LRRC53: variants seen among roughly 807,000 people sequenced by gnomAD.
The protein encoded by LRRC53 is leucine rich repeat containing 53.
LRRC53 carries 25 observed loss-of-function variants against 13.6 expected under a neutral mutation model. That is an observed-to-expected ratio of 1.83 (90% CI 1.34 to 2.56). The LOEUF (loss-of-function observed/expected upper bound fraction) is 2.56, where lower values mean the gene tolerates loss of function less well. Among genes scored for constraint, LRRC53 ranks in the 30% most tolerant of loss-of-function variants. LRRC53 has a pLI of 0.00. For synonymous variants in LRRC53, 204 were observed against 109.8 expected (o/e 1.86, Z -5.37); for missense variants, 527 against 275.8 (o/e 1.91, Z -6.45).
At chr1:74,494,087 TG>T (rs1403188362) in intron 1 of LRRC53, among the ~76,000 whole-genome samples, 1 of 152,098 alleles carries the variant, frequency 6.6e-6, no homozygotes, top group Non-Finnish European at 1.5e-5. Context: ...TTCCAACCCA[TG>T]GAAGACCAGA....
At chr1:74,499,867 T>G (rs1266906523) in intron 1 of LRRC53, among the ~76,000 whole-genome samples, 4 of 152,174 alleles carry the variant, frequency 2.6e-5, no homozygotes, top group Admixed American at 2.6e-4. Flanking sequence ...TTATATACCT[T>G]TTGTGTGATA....
intron 3 of LRRC53, among the ~76,000 whole-genome samples, chr1:74,477,645 T>C (rs1234933024): frequency 2.0e-5 from 3 of 152,198 alleles, no homozygotes; most frequent in Non-Finnish European, 4.4e-5. Flanking sequence ...TCTAATTGTG[T>C]CTGAATGGCA....
At chr1:74,527,862 A>G in the LRRC53 span, among the ~76,000 whole-genome samples, 8 of 152,190 alleles carry the variant, frequency 5.3e-5, no homozygotes, top group Admixed American at 5.2e-4. Context: ...GAGTCCAAGT[A>G]AGGTGTGGAG....
At chr1:74,479,885 C>G (rs910201745) in intron 3 of LRRC53, among the ~76,000 whole-genome samples, 2 of 152,216 alleles carry the variant, frequency 1.3e-5, no homozygotes, top group Admixed American at 6.5e-5. Context: ...AGCAGGTTAA[C>G]CTGTTCAAGG....
In LRRC53 at chr1:74,501,474, GTGTT is replaced by G. The variant is rs71588835; in HGVS notation, c.-27+11048_-27+11051del. Among the ~76,000 whole-genome samples the G allele has an allele frequency of 7.6e-3, 1,137 of 149,938 alleles. 10 individuals carry two copies. The highest frequency in any genetic ancestry group is 0.047 in the East Asian group (233 of 5,000). On this transcript the variant is annotated intron_variant, in intron 1 of 4. Coordinates refer to ENST00000294635, the MANE Select transcript of LRRC53 (RefSeq NM_001382280.1). ...CAACTTGGAGGGTTTTTTTTGTTTT[GTGTT>G]TGTTTGTTTGTTTGTTTGTTTGTTT...
At chr1:74,497,286 G>A (rs1279351898) in intron 1 of LRRC53, among the ~76,000 whole-genome samples, 1 of 152,076 alleles carries the variant, frequency 6.6e-6, no homozygotes, top group Non-Finnish European at 1.5e-5. Context: ...CCAGATAACA[G>A]TGGCCATGTC....
At position 74,477,102 on chromosome 1, in the gene LRRC53, T is replaced by C. The variant is rs1325845936; in HGVS notation, c.905-1292A>G. Among the ~76,000 whole-genome samples the C allele has an allele frequency of 1.6e-4, 24 of 152,182 alleles. 1 individual carries two copies. Among genetic ancestry groups the C allele is most frequent in the Admixed American group, 1.6e-3 (24 of 15,264 alleles). ...AATTATGTAAATAATAATCCTTTTA[T>C]TGACAGATAGATTCTAGAGTTTGAA... On this transcript the variant is annotated intron_variant, in intron 3 of 4. Transcript: ENST00000294635.
intron 1 of LRRC53, among the ~76,000 whole-genome samples, chr1:74,496,812 T>C (rs747916563): frequency 6.6e-6 from 1 of 152,190 alleles, no homozygotes; most frequent in Non-Finnish European, 1.5e-5. Flanking sequence ...ATGTGGCAGT[T>C]GCTCCTCCCA....
chr1:74,507,633 C>T (rs1051532963), intron 1 of LRRC53, among the ~76,000 whole-genome samples: 4 of 152,164 alleles, frequency 2.6e-5, no homozygotes, highest in African/African-American at 9.6e-5. Context: ...TAATGTACTT[C>T]TTGTTCTCCT....
intron 1 of LRRC53, among the ~76,000 whole-genome samples, chr1:74,489,957 G>A (rs540431277): frequency 8.6e-5 from 13 of 150,730 alleles, no homozygotes; most frequent in African/African-American, 2.9e-4. Flanking sequence ...CATATGCAGG[G>A]AAGGGGCAAC....
chr1:74,479,211 A>G (rs997305674), intron 3 of LRRC53, among the ~76,000 whole-genome samples: 1 of 152,086 alleles, frequency 6.6e-6, no homozygotes, highest in Admixed American at 6.6e-5. Context: ...GGATTTCACC[A>G]TGCACTGAGA....
At chr1:74,487,914 G>C (rs761292701) in intron 1 of LRRC53, among the ~76,000 whole-genome samples, 17 of 152,132 alleles carry the variant, frequency 1.1e-4, no homozygotes, top group Non-Finnish European at 2.2e-4. Context: ...TAAAGATTGA[G>C]AGGTTAAAGA....
chr1:74,500,458 G>T (rs1283737944), intron 1 of LRRC53, among the ~76,000 whole-genome samples: 1 of 151,346 alleles, frequency 6.6e-6, no homozygotes, highest in Non-Finnish European at 1.5e-5. Flanking sequence ...AAAAAAATTA[G>T]CCGGGCGTAG....
intron 2 of LRRC53, 37 bp downstream of exon 2, chr1:74,483,225 A>C (rs1350628640): frequency 1.1e-5 from 8 of 715,410 alleles, no homozygotes; most frequent in Non-Finnish European, 1.8e-5. Flanking sequence ...TTCCAGGTAC[A>C]CTGAGCACTG....
chr1:74,495,577 T>C (rs1669289170), intron 1 of LRRC53, among the ~76,000 whole-genome samples: 1 of 152,200 alleles, frequency 6.6e-6, no homozygotes, highest in South Asian at 2.1e-4. Flanking sequence ...CTGGGCACTA[T>C]TTTAAACACT....
chr1:74,481,417 T>A (rs1668495750), intron 2 of LRRC53, among the ~76,000 whole-genome samples: 1 of 152,200 alleles, frequency 6.6e-6, no homozygotes, highest in African/African-American at 2.4e-5. Context: ...ATTTATGCTG[T>A]GAAGTCAATC....
At chr1:74,525,548 T>C in the LRRC53 span, among the ~76,000 whole-genome samples, 1 of 152,168 alleles carries the variant, frequency 6.6e-6, no homozygotes. Context: ...TTCAACCAAA[T>C]TTATTTTTAA....
At chr1:74,493,208 G>A (rs1351877402) in intron 1 of LRRC53, among the ~76,000 whole-genome samples, 1 of 152,178 alleles carries the variant, frequency 6.6e-6, no homozygotes, top group Non-Finnish European at 1.5e-5. Context: ...GGGATAGGGA[G>A]GAGGGAGAAA....
At position 74,470,642 on chromosome 1, in the gene LRRC53, C is replaced by T; in HGVS notation, c.2980G>A (p.Val994Ile). The T allele has an allele frequency of 5.0e-6, 2 of 400,574 alleles. No homozygotes were observed. 24.8% of individuals were successfully genotyped at this position (400,574 alleles called of 1,614,324 possible). A position where few individuals can be genotyped will look rare whatever the true frequency, so the allele number is the denominator to read the frequency against. Residue 994 changes from valine to isoleucine, a missense_variant, in exon 5 of 5, where the codon GTA becomes ATA. Physicochemically the swap from Val to Ile is conservative, Grantham distance 29 (BLOSUM62 3). Coordinates refer to ENST00000294635, the MANE Select transcript of LRRC53 (RefSeq NM_001382280.1). Reference protein sequence around the residue: ...NCIMDKEENDVEKKLSKTETY... With the variant: ...NCIMDKEENDIEKKLSKTETY... ...TCTGTTTTTGAAAGTTTTTTTTCTACATCATTTTCTTCCTTATCCATAATA... is the reference window on the plus strand; with the variant it reads ...TCTGTTTTTGAAAGTTTTTTTTCTATATCATTTTCTTCCTTATCCATAATA...
Sources: allele counts gnomAD v4.1 joint callset (sites outside exome capture counted in the v4.1 genomes callset), GRCh38; gene constraint gnomAD v4.1.1; transcripts MANE v1.5; gene names NCBI Gene and HGNC (gene_info 2026-07-23, HGNC 2026-07-21).